The following FHIT variants were observed in gnomAD, a reference collection of about 807,000 sequenced individuals.
FHIT encodes the protein fragile histidine triad diadenosine triphosphatase.
In FHIT, 19 loss-of-function variants were observed where a neutral mutation model predicts 17.9. That is an observed-to-expected ratio of 1.06 (90% CI 0.74 to 1.56). FHIT has a LOEUF of 1.56. FHIT is among the 40% of genes most tolerant of loss of function. FHIT has a pLI of 0.00. For synonymous variants in FHIT, 81 were observed against 69.7 expected, an observed-to-expected ratio of 1.16 and a Z score of -0.81; for missense variants, 248 against 189.2, an observed-to-expected ratio of 1.31 and a Z score of -1.82.
chr3:59,971,714 G>C (rs950331236), intron 7 of FHIT, among the ~76,000 whole-genome samples: 3 of 152,126 alleles, frequency 2.0e-5, no homozygotes, highest in Admixed American at 6.6e-5. Flanking sequence ...GAAGACTGAA[G>C]TCCATGTCCA....
intron 8 of FHIT, among the ~76,000 whole-genome samples, chr3:59,854,699 G>A (rs1702080731): frequency 6.6e-6 from 1 of 152,140 alleles, no homozygotes. Flanking sequence ...GCACAAAGCT[G>A]GTAATTGGTA....
intron 3 of FHIT, among the ~76,000 whole-genome samples, chr3:60,965,438 T>A (rs542309918): frequency 6.6e-6 from 1 of 152,348 alleles, no homozygotes; most frequent in East Asian, 1.9e-4. Flanking sequence ...TTCACTCAAC[T>A]TGTCAAAGTC....
intron 5 of FHIT, among the ~76,000 whole-genome samples, chr3:60,527,352 T>C (rs1005300489): frequency 6.6e-6 from 1 of 152,214 alleles, no homozygotes; most frequent in Non-Finnish European, 1.5e-5. Context: ...CTTTGGTGAA[T>C]GGAAGGGTAT....
intron 5 of FHIT, among the ~76,000 whole-genome samples, chr3:60,466,347 C>T (rs2032791108): frequency 1.3e-5 from 2 of 151,962 alleles, no homozygotes; most frequent in African/African-American, 4.8e-5. Context: ...AATTTGACAT[C>T]CAACTTGGAT....
intron 5 of FHIT, among the ~76,000 whole-genome samples, chr3:60,183,664 A>T (rs1012999855): frequency 2.0e-5 from 3 of 152,074 alleles, no homozygotes; most frequent in Non-Finnish European, 2.9e-5. Context: ...TCAATCAAGG[A>T]AACTGATTAA....
intron 2 of FHIT, among the ~76,000 whole-genome samples, chr3:61,155,240 T>C (rs974896742): frequency 1.3e-5 from 2 of 152,194 alleles, no homozygotes; most frequent in African/African-American, 4.8e-5. Context: ...ACCCATTTCA[T>C]GGATGAGCCC....
intron 4 of FHIT, among the ~76,000 whole-genome samples, chr3:60,783,155 T>C (rs560679718): frequency 0.01 from 1,570 of 151,756 alleles, 22 homozygotes; most frequent in African/African-American, 0.035. Context: ...TTTTTGCATT[T>C]TTTTTTTTGT....
intron 1 of FHIT, among the ~76,000 whole-genome samples, chr3:61,235,317 G>A (rs561657856): frequency 6.6e-6 from 1 of 152,134 alleles, no homozygotes; most frequent in Admixed American, 6.5e-5. Flanking sequence ...GTTTTCTCGT[G>A]TGTAAAACAA....
chr3:60,223,349 T>G (rs1041972686), intron 5 of FHIT, among the ~76,000 whole-genome samples: 1 of 152,202 alleles, frequency 6.6e-6, no homozygotes, highest in Non-Finnish European at 1.5e-5. Flanking sequence ...GCAGAAGTCG[T>G]GTTCAAATTC....
intron 4 of FHIT, among the ~76,000 whole-genome samples, chr3:60,542,829 A>G (rs1268083312): frequency 1.3e-5 from 2 of 152,280 alleles, no homozygotes; most frequent in African/African-American, 2.4e-5. Context: ...CCTCTCTACC[A>G]TAAGTTTGCA....
intron 3 of FHIT, among the ~76,000 whole-genome samples, chr3:60,932,372 C>G (rs1708000810): frequency 6.6e-6 from 1 of 152,182 alleles, no homozygotes; most frequent in Non-Finnish European, 1.5e-5. Flanking sequence ...CTCCACCCTT[C>G]TCTGCCCTGC....
intron 3 of FHIT, among the ~76,000 whole-genome samples, chr3:60,962,354 T>A (rs1709498248): frequency 6.6e-6 from 1 of 152,246 alleles, no homozygotes; most frequent in South Asian, 2.1e-4. Context: ...GATTTCTAAA[T>A]GTACAGTCAT....
intron 8 of FHIT, among the ~76,000 whole-genome samples, chr3:59,887,353 A>G (rs1281538804): frequency 6.6e-6 from 1 of 152,146 alleles, no homozygotes; most frequent in Non-Finnish European, 1.5e-5. Flanking sequence ...TAAATTCCAC[A>G]TTTGTGGTGA....
At chr3:60,581,564 A>G (rs1213555825) in intron 4 of FHIT, among the ~76,000 whole-genome samples, 2 of 152,124 alleles carry the variant, frequency 1.3e-5, no homozygotes, top group South Asian at 2.1e-4. Context: ...AGTGATTCCT[A>G]TTAAGTAAAA....
At chr3:60,589,875 A>C (rs1193499804) in intron 4 of FHIT, among the ~76,000 whole-genome samples, 1 of 152,082 alleles carries the variant, frequency 6.6e-6, no homozygotes, top group African/African-American at 2.4e-5. Context: ...CTGGAGAATG[A>C]ATACATTGGC....
chr3:59,827,169 C>A (rs923764608), intron 8 of FHIT, among the ~76,000 whole-genome samples: 1 of 152,152 alleles, frequency 6.6e-6, no homozygotes, highest in Non-Finnish European at 1.5e-5. Context: ...GTGTTACCTG[C>A]GGTCAGCATC....
At chr3:59,923,212 G>A (rs1029589207) in intron 7 of FHIT, among the ~76,000 whole-genome samples, 1 of 112,956 alleles carries the variant, frequency 8.9e-6, no homozygotes, top group Non-Finnish European at 1.7e-5. Flanking sequence ...GCGACAGAGC[G>A]AGACTCCTCA....
At chr3:60,270,207 A>C (rs1706796045) in intron 5 of FHIT, among the ~76,000 whole-genome samples, 1 of 152,174 alleles carries the variant, frequency 6.6e-6, no homozygotes, top group Non-Finnish European at 1.5e-5. Flanking sequence ...AGAAGGCAGC[A>C]AACAGAGAAA....
In FHIT at chr3:60,997,903, G is replaced by A. The variant is rs145087003; in HGVS notation, c.-111+44144C>T. Among the ~76,000 whole-genome samples the A allele has an allele frequency of 1.3e-3, 201 of 152,280 alleles. 1 individual carries two copies. The highest frequency in any genetic ancestry group is 4.7e-3 in the African/African-American group (197 of 41,558). The stretch of plus-strand genomic sequence containing the variant: ...CATTAGGCCAAGGAATAATATTATT[G>A]TAATTTTGTTTTCAGAAGAAATATC... On this transcript the variant is annotated intron_variant, in intron 3 of 9. Coordinates refer to ENST00000492590, the MANE Select transcript of FHIT (RefSeq NM_002012.4).
Sources: allele counts gnomAD v4.1 joint callset (sites outside exome capture counted in the v4.1 genomes callset), GRCh38; gene constraint gnomAD v4.1.1; transcripts MANE v1.5; gene names NCBI Gene and HGNC (gene_info 2026-07-23, HGNC 2026-07-21).